ZSCAN5A: variants seen among roughly 807,000 people sequenced by gnomAD.
The protein encoded by ZSCAN5A is zinc finger and SCAN domain-containing protein 5A.
Under a neutral mutation model 23.7 loss-of-function variants are expected in ZSCAN5A, and 12 were observed. That is an observed-to-expected ratio of 0.51 (90% CI 0.32 to 0.82). The LOEUF is 0.82. Ranked by LOEUF, ZSCAN5A falls within the 40% of genes least tolerant of loss-of-function variation. The pLI is 0.03. For synonymous variants in ZSCAN5A, 257 were observed against 239.9 expected (o/e 1.07, Z -0.66); for missense variants, 597 against 617.9 (o/e 0.97, Z 0.36).
chr19:56,270,279 G>A (rs1359059304), intron 2 of ZSCAN5A, among the ~76,000 whole-genome samples: 2 of 152,152 alleles, frequency 1.3e-5, no homozygotes, highest in East Asian at 1.9e-4. Context: ...TTAGCCAGGT[G>A]TGGTGGCGCA....
Position 56,225,274 on chromosome 19 carries a change from G to A in ZSCAN5A, c.-127-101C>T, listed in dbSNP as rs184533096. On this transcript the variant is annotated intron_variant, in intron 2 of 5. Transcript: ENST00000683990. The stretch of plus-strand genomic sequence containing the variant: ...TGGATGCCACTTCTTCAGCAGCATC[G>A]AATTCAGCACAGTGGAAATCTTCCA... 29 of 1,152,006 alleles carry A rather than the reference G, an allele frequency of 2.5e-5. No homozygotes were observed. In the African/African-American group the frequency reaches 2.8e-4, roughly 11 times the overall value. 71.4% of individuals were successfully genotyped at this position (1,152,006 alleles called of 1,614,324 possible).
chr19:56,241,162 T>C (rs2035397271), intron 2 of ZSCAN5A, among the ~76,000 whole-genome samples: 1 of 152,230 alleles, frequency 6.6e-6, no homozygotes. Context: ...CAGAATTGAA[T>C]ACTAACCCGC....
chr19:56,238,289 G>T (rs1180771121), intron 2 of ZSCAN5A, among the ~76,000 whole-genome samples: 1 of 152,036 alleles, frequency 6.6e-6, no homozygotes, highest in African/African-American at 2.4e-5. Context: ...AATAAATAAT[G>T]AAATGAAAAT....
intron 2 of ZSCAN5A, among the ~76,000 whole-genome samples, chr19:56,328,563 A>AC (rs2041457728): frequency 6.6e-6 from 1 of 151,630 alleles, no homozygotes; most frequent in African/African-American, 2.4e-5. Context: ...AATCACTTGA[A>AC]CCGAGGATTG....
chr19:56,326,184 G>A (rs989077553), intron 2 of ZSCAN5A, among the ~76,000 whole-genome samples: 9 of 151,800 alleles, frequency 5.9e-5, no homozygotes, highest in African/African-American at 1.7e-4. Context: ...TGATCGGCCC[G>A]CCTCGGCCTC....
At chr19:56,278,217 G>T (rs1256853697) in intron 2 of ZSCAN5A, among the ~76,000 whole-genome samples, 1 of 152,060 alleles carries the variant, frequency 6.6e-6, no homozygotes, top group East Asian at 1.9e-4. Flanking sequence ...TGCCTCCTGG[G>T]TTCAAGCAAT....
intron 2 of ZSCAN5A, among the ~76,000 whole-genome samples, chr19:56,280,449 CA>C (rs969442458): frequency 2.1e-4 from 32 of 152,074 alleles, no homozygotes; most frequent in Middle Eastern, 3.4e-3. Context: ...GGATATATAT[CA>C]ATGTAGATCT....
At chr19:56,236,673 C>T (rs1450193461) in intron 2 of ZSCAN5A, among the ~76,000 whole-genome samples, 1 of 107,434 alleles carries the variant, frequency 9.3e-6, no homozygotes, top group African/African-American at 3.6e-5. Context: ...CTCTGATGGA[C>T]GGTGGGCCAA....
intron 2 of ZSCAN5A, among the ~76,000 whole-genome samples, chr19:56,240,047 A>T (rs192475594): frequency 0.011 from 1,695 of 152,244 alleles, 15 homozygotes; most frequent in Non-Finnish European, 0.018. Flanking sequence ...CTGTAATCCC[A>T]GCTACTCATG....
intron 2 of ZSCAN5A, among the ~76,000 whole-genome samples, chr19:56,271,735 GGACAC>G (rs1418931496): frequency 6.6e-6 from 1 of 152,162 alleles, no homozygotes; most frequent in African/African-American, 2.4e-5. Flanking sequence ...TTTCCTTCCA[GGACAC>G]TACACACAAC....
intron 2 of ZSCAN5A, among the ~76,000 whole-genome samples, chr19:56,285,685 C>T (rs757000851): frequency 1.8e-4 from 27 of 151,964 alleles, no homozygotes; most frequent in Admixed American, 2.6e-4. Flanking sequence ...TTCACTATGT[C>T]GGCCAGGCTG....
At chr19:56,362,149 C>T (rs1035124189) in intron 2 of ZSCAN5A, among the ~76,000 whole-genome samples, 1 of 136,386 alleles carries the variant, frequency 7.3e-6, no homozygotes, top group African/African-American at 2.9e-5. Context: ...CAGAGTGAGA[C>T]TCCGTCTCAA....
At chr19:56,228,951 C>G (rs138956742) in intron 2 of ZSCAN5A, among the ~76,000 whole-genome samples, 3,717 of 152,298 alleles carry the variant, frequency 0.024, 142 homozygotes, top group African/African-American at 0.079. Flanking sequence ...CCCCACTCTG[C>G]ATTCATTCCA....
At chr19:56,256,321 T>A (rs746444828) in intron 2 of ZSCAN5A, among the ~76,000 whole-genome samples, 4 of 152,046 alleles carry the variant, frequency 2.6e-5, no homozygotes, top group Non-Finnish European at 4.4e-5. Flanking sequence ...GCCTCCTGAG[T>A]AGCTGGGATT....
chr19:56,222,552 G>A, intron 5 of ZSCAN5A, 39 bp downstream of exon 5: 5 of 1,607,498 alleles, frequency 3.1e-6, no homozygotes, highest in Non-Finnish European at 4.2e-6. Flanking sequence ...CCCCAGAAGA[G>A]AGGGACTAAC....
chr19:56,302,732 G>C, intron 2 of ZSCAN5A: 1 of 269,918 alleles, frequency 3.7e-6, no homozygotes, highest in Non-Finnish European at 6.8e-6. Flanking sequence ...CCCACCTCTA[G>C]ACTGGGATAA....
chr19:56,250,140 A>G (rs1415832363), intron 2 of ZSCAN5A, among the ~76,000 whole-genome samples: 1 of 152,218 alleles, frequency 6.6e-6, no homozygotes, highest in Non-Finnish European at 1.5e-5. Flanking sequence ...GGCAGAATAG[A>G]CAGGACACCC....
chr19:56,249,255 T>C (rs187982017), intron 2 of ZSCAN5A, among the ~76,000 whole-genome samples: 7 of 152,056 alleles, frequency 4.6e-5, no homozygotes, highest in Non-Finnish European at 1.0e-4. Flanking sequence ...GGCCTTAGAG[T>C]TTGCATTGAA....
intron 2 of ZSCAN5A, among the ~76,000 whole-genome samples, chr19:56,234,377 T>C (rs540044905): frequency 6.6e-6 from 1 of 151,630 alleles, no homozygotes; most frequent in East Asian, 1.9e-4. Context: ...GGACTAGGGG[T>C]TGTAATCAAT....
Sources: gnomAD v4.1 joint callset for allele counts (sites outside exome capture counted in the v4.1 genomes callset) on GRCh38, gnomAD v4.1.1 for gene constraint, MANE v1.5 for transcripts, NCBI Gene and HGNC (gene_info 2026-07-23, HGNC 2026-07-21) for gene names.